FRMPD4: variants seen among roughly 807,000 people sequenced by gnomAD.
The protein encoded by FRMPD4 is FERM and PDZ domain-containing protein 4.
Under a neutral mutation model 94.1 loss-of-function variants are expected in FRMPD4, and 22 were observed. That is an observed-to-expected ratio of 0.23 (90% CI 0.17 to 0.33). The LOEUF is 0.33. Ranked by LOEUF, FRMPD4 falls within the 10% of genes least tolerant of loss-of-function variation. FRMPD4 has a pLI of 1.00. For synonymous variants in FRMPD4, 631 were observed against 548.6 expected, an observed-to-expected ratio of 1.15 and a Z score of -2.10; for missense variants, 1,111 against 1,339.9, an observed-to-expected ratio of 0.83 and a Z score of 2.67.
chrX:12,026,226 A>C (rs893384145), intron 3 of FRMPD4, among the ~76,000 whole-genome samples: 1 of 111,328 alleles, frequency 9.0e-6, no homozygotes, highest in African/African-American at 3.3e-5. Flanking sequence ...TTTAGACAGA[A>C]TCCTTAGGGA....
chrX:12,380,842 A>C (rs1322936733), intron 1 of FRMPD4, among the ~76,000 whole-genome samples: 1 of 112,187 alleles, frequency 8.9e-6, no homozygotes, highest in Non-Finnish European at 1.9e-5. Context: ...TCAGAATGGC[A>C]CAGGGAAATA....
chrX:12,471,538 T>A (rs1844762782), intron 1 of FRMPD4, among the ~76,000 whole-genome samples: 1 of 111,649 alleles, frequency 9.0e-6, no homozygotes, highest in South Asian at 3.8e-4. Flanking sequence ...TGAGCACGGT[T>A]TGGAATTGTC....
chrX:12,232,727 A>G (rs752225844), intron 1 of FRMPD4, among the ~76,000 whole-genome samples: 23 of 111,796 alleles, frequency 2.1e-4, no homozygotes, highest in Non-Finnish European at 3.6e-4. Flanking sequence ...TTAAATCTGG[A>G]CACAACAATT....
intron 3 of FRMPD4, among the ~76,000 whole-genome samples, chrX:11,949,750 TG>T (rs1482648531): frequency 9.0e-6 from 1 of 111,664 alleles, no homozygotes; most frequent in Non-Finnish European, 1.9e-5. Flanking sequence ...GTAGGGCAAG[TG>T]GGCTGTGGCT....
chrX:12,528,304 T>C (rs1045154711), intron 2 of FRMPD4, among the ~76,000 whole-genome samples: 1 of 99,788 alleles, frequency 1.0e-5, no homozygotes, highest in African/African-American at 3.9e-5. Context: ...TGTTAGTCTG[T>C]TTTTTTTTGT....
At chrX:12,453,080 G>C (rs1456352977) in intron 1 of FRMPD4, among the ~76,000 whole-genome samples, 1 of 112,347 alleles carries the variant, frequency 8.9e-6, no homozygotes, top group Non-Finnish European at 1.9e-5. Flanking sequence ...TTGTTACTTA[G>C]AGGCAAGTAG....
chrX:12,222,775 G>A (rs1177051757), intron 1 of FRMPD4, among the ~76,000 whole-genome samples: 2 of 112,147 alleles, frequency 1.8e-5, no homozygotes, highest in Non-Finnish European at 3.8e-5. Flanking sequence ...TGGCTTCTTA[G>A]TGTATTGTTC....
intron 1 of FRMPD4, among the ~76,000 whole-genome samples, chrX:12,357,811 A>G (rs994850328): frequency 7.1e-5 from 8 of 111,935 alleles, no homozygotes; most frequent in African/African-American, 2.6e-4. Flanking sequence ...ATATAAGTCA[A>G]TGATTTTTAG....
chrX:12,065,924 T>C (rs1289578515), intron 3 of FRMPD4, among the ~76,000 whole-genome samples: 1 of 112,238 alleles, frequency 8.9e-6, no homozygotes, highest in Non-Finnish European at 1.9e-5. Flanking sequence ...ATTATTAAGT[T>C]TCACAAATCA....
chrX:12,126,326 G>T (rs751556115), intron 3 of FRMPD4, among the ~76,000 whole-genome samples: 28 of 112,213 alleles, frequency 2.5e-4, no homozygotes, highest in African/African-American at 8.4e-4. Flanking sequence ...ACAGCAAAAA[G>T]CCATGGAGAG....
At chrX:12,262,483 C>G (rs138975138) in intron 1 of FRMPD4, among the ~76,000 whole-genome samples, 2 of 111,032 alleles carry the variant, frequency 1.8e-5, no homozygotes, top group Non-Finnish European at 3.8e-5. Context: ...TGGCTTTAGA[C>G]GAGGCACTTA....
At chrX:11,923,653 G>A (rs2054069699) in intron 3 of FRMPD4, among the ~76,000 whole-genome samples, 1 of 112,284 alleles carries the variant, frequency 8.9e-6, no homozygotes, top group Non-Finnish European at 1.9e-5. Context: ...TGCAGTCCAG[G>A]TGTTGAGAGT....
intron 3 of FRMPD4, among the ~76,000 whole-genome samples, chrX:12,077,898 C>A (rs1210662750): frequency 2.7e-5 from 3 of 111,909 alleles, no homozygotes; most frequent in African/African-American, 9.7e-5. Context: ...CAAATTACTG[C>A]AATTTTAGTG....
intron 1 of FRMPD4, among the ~76,000 whole-genome samples, chrX:11,850,287 A>G (rs1410711986): frequency 3.6e-5 from 4 of 112,463 alleles, no homozygotes; most frequent in African/African-American, 1.3e-4. Context: ...AAAAACAGAA[A>G]ATAACAAGTG....
chrX:12,311,488 A>G (rs1283427801), intron 1 of FRMPD4, among the ~76,000 whole-genome samples: 2 of 111,141 alleles, frequency 1.8e-5, no homozygotes, highest in East Asian at 5.6e-4. Context: ...ATTTTCTTTG[A>G]ACTTCTTTTC....
intron 1 of FRMPD4, among the ~76,000 whole-genome samples, chrX:11,864,816 C>G (rs5935174): frequency 0.011 from 1,206 of 111,060 alleles, 5 homozygotes; most frequent in South Asian, 0.021. Context: ...GTTTCCCTCT[C>G]TAGTAAAATG....
chrX:12,343,785 G>A (rs1318084924), intron 1 of FRMPD4, among the ~76,000 whole-genome samples: 2 of 111,678 alleles, frequency 1.8e-5, no homozygotes, highest in Non-Finnish European at 3.8e-5. Context: ...CACATTTGCC[G>A]TTGCTTTGGA....
At chrX:11,965,730 C>T (rs2054306479) in intron 3 of FRMPD4, among the ~76,000 whole-genome samples, 1 of 111,982 alleles carries the variant, frequency 8.9e-6, no homozygotes, top group Non-Finnish European at 1.9e-5. Flanking sequence ...TTTCCACTCT[C>T]TCAGCATCTT....
intron 2 of FRMPD4, among the ~76,000 whole-genome samples, chrX:11,873,705 C>CTTTT (rs368589472): frequency 9.1e-5 from 9 of 98,535 alleles, no homozygotes; most frequent in African/African-American, 3.0e-4. Context: ...ATCCAGCAGG[C>CTTTT]TTTTTTTTTT....
Sources: allele counts gnomAD v4.1 joint callset (sites outside exome capture counted in the v4.1 genomes callset), GRCh38; gene constraint gnomAD v4.1.1; transcripts MANE v1.5; gene names NCBI Gene and HGNC (gene_info 2026-07-23, HGNC 2026-07-21).